The following ESR2 variants were observed in gnomAD, a reference collection of about 807,000 sequenced individuals.
ESR2 encodes estrogen receptor beta.
Under a neutral mutation model 49.6 loss-of-function variants are expected in ESR2, and 36 were observed. That is an observed-to-expected ratio of 0.73 (90% CI 0.56 to 0.96). The LOEUF is 0.96. Ranked by LOEUF, ESR2 falls within the 40% of genes least tolerant of loss-of-function variation. ESR2 has a pLI of 0.00. For missense variants in ESR2, 714 were observed against 693.0 expected (o/e 1.03, Z -0.34); for synonymous variants, 320 against 266.1 (o/e 1.20, Z -1.97).
In ESR2 at chr14:64,241,145, C is replaced by CAAAAAAAAAAAA. The variant is rs56347632; in HGVS notation, c.1226-6007_1226-5996dup. ...TGGGCCACAGAGCGAGACTCCGTCT[C>CAAAAAAAAAAAA]AAAAAAAAAAAAAAAAAAAAAAAAA... On this transcript the variant is annotated intron_variant, in intron 7 of 8. Coordinates refer to ENST00000341099, the MANE Select transcript of ESR2 (RefSeq NM_001437.3). Among the ~76,000 whole-genome samples, 216 of 95,370 alleles carry CAAAAAAAAAAAA rather than the reference C, an allele frequency of 2.3e-3. 11 individuals are homozygous for CAAAAAAAAAAAA. The East Asian group carries it at 0.028, about 12-fold the overall frequency. The allele number at this position is 95,370 out of a possible 152,430, so 62.6% of individuals were successfully genotyped here. A position where few individuals can be genotyped will look rare whatever the true frequency, so the allele number is the denominator to read the frequency against.
intron 7 of ESR2, among the ~76,000 whole-genome samples, chr14:64,239,953 C>T (rs1337676609): frequency 1.3e-5 from 2 of 152,212 alleles, no homozygotes; most frequent in Middle Eastern, 3.2e-3. Context: ...ATATCCCATT[C>T]TAGACCAAAA....
intron 1 of ESR2, among the ~76,000 whole-genome samples, chr14:64,318,434 G>A (rs1037183534): frequency 2.0e-4 from 30 of 147,358 alleles, no homozygotes; most frequent in African/African-American, 7.0e-4. Context: ...CTACTTGGGA[G>A]GCTTAGGCAG....
At chr14:64,323,387 T>C (rs1231890098) in intron 1 of ESR2, among the ~76,000 whole-genome samples, 2 of 152,028 alleles carry the variant, frequency 1.3e-5, no homozygotes, top group African/African-American at 2.4e-5. Context: ...TTTGTGTTTT[T>C]AGTAGAGACA....
At chr14:64,318,477 C>T (rs2077284133) in intron 1 of ESR2, among the ~76,000 whole-genome samples, 1 of 121,582 alleles carries the variant, frequency 8.2e-6, no homozygotes, top group African/African-American at 3.2e-5. Flanking sequence ...GCAAAAGTTG[C>T]AGTGAGCCAA....
At chr14:64,306,208 A>G (rs1379741342) in intron 1 of ESR2, among the ~76,000 whole-genome samples, 1 of 152,084 alleles carries the variant, frequency 6.6e-6, no homozygotes, top group Non-Finnish European at 1.5e-5. Flanking sequence ...ATCTCAAAAA[A>G]AAAGAAAAAA....
rs2077004385 is a variant in ESR2 at position 64,300,003 on chromosome 14, C to T, written c.-90-16928G>A. On this transcript the variant is annotated intron_variant, in intron 1 of 8. Coordinates refer to the ESR2 transcript ENST00000358599. Reference sequence around the variant, plus strand: ...GCTTCTTAATGGTTCTGCTCATAGTCAAGTCAAGTGCTTCCTCAGCCTGCT... The same window carrying T: ...GCTTCTTAATGGTTCTGCTCATAGTTAAGTCAAGTGCTTCCTCAGCCTGCT... Among the ~76,000 whole-genome samples, 3 of 152,150 alleles carry T rather than the reference C, an allele frequency of 2.0e-5. No individual in the cohort carries two copies. In the South Asian group the frequency reaches 6.2e-4, roughly 32 times the overall value.
At chr14:64,267,936 T>C (rs547806307) in intron 4 of ESR2, among the ~76,000 whole-genome samples, 1 of 152,078 alleles carries the variant, frequency 6.6e-6, no homozygotes, top group Non-Finnish European at 1.5e-5. Context: ...GATTTTTGTT[T>C]TAAATTTTCA....
At chr14:64,289,744 T>G (rs1231767762) in intron 1 of ESR2, among the ~76,000 whole-genome samples, 1 of 152,144 alleles carries the variant, frequency 6.6e-6, no homozygotes, top group Non-Finnish European at 1.5e-5. Context: ...CTAGTCCAGA[T>G]AGCTGGGCTG....
At chr14:64,320,678 A>G (rs2140894624) in intron 1 of ESR2, among the ~76,000 whole-genome samples, 1 of 152,292 alleles carries the variant, frequency 6.6e-6, no homozygotes. Flanking sequence ...GGATCACCTG[A>G]GGTCAGCAGT....
intron 6 of ESR2, among the ~76,000 whole-genome samples, chr14:64,250,699 T>C (rs1319095070): frequency 6.6e-6 from 1 of 152,348 alleles, no homozygotes; most frequent in East Asian, 1.9e-4. Context: ...TTCAAAGAGC[T>C]GGCTGCTCCC....
rs114379681 is a variant in ESR2 at position 64,271,973 on chromosome 14, A to T, written c.536-3062T>A. 6.3e-3 allele frequency among the ~76,000 whole-genome samples: 963 copies of T among 152,284 alleles called. 13 individuals carry two copies. The highest frequency in any genetic ancestry group is 0.022 in the African/African-American group (897 of 41,558). On this transcript the variant is annotated intron_variant, in intron 3 of 8. Coordinates refer to ENST00000341099, the MANE Select transcript of ESR2 (RefSeq NM_001437.3). Reference sequence around the variant, plus strand: ...GCTCTATTTGTAGTTTTTTGAGGAAACTTCAAACTGTTCTCCATAGTAGTT... The same window carrying T: ...GCTCTATTTGTAGTTTTTTGAGGAATCTTCAAACTGTTCTCCATAGTAGTT...
chr14:64,248,600 A>G (rs921901078), intron 7 of ESR2, among the ~76,000 whole-genome samples: 6 of 151,000 alleles, frequency 4.0e-5, no homozygotes, highest in African/African-American at 1.2e-4. Context: ...TGATGATTTT[A>G]TTTTCTTCCT....
At chr14:64,284,333 T>C (rs1222911992) in intron 1 of ESR2, among the ~76,000 whole-genome samples, 1 of 151,892 alleles carries the variant, frequency 6.6e-6, no homozygotes, top group African/African-American at 2.4e-5. Context: ...TACAGGCAAA[T>C]CTTTTTTTTT....
At chr14:64,253,491 T>TAAAG (rs1596393855) in intron 6 of ESR2, among the ~76,000 whole-genome samples, 1 of 151,902 alleles carries the variant, frequency 6.6e-6, no homozygotes, top group East Asian at 1.9e-4. Flanking sequence ...GTGCCTGGCC[T>TAAAG]AAAGAAGAAT....
intron 1 of ESR2, among the ~76,000 whole-genome samples, chr14:64,308,059 G>T (rs1247011491): frequency 3.3e-5 from 5 of 151,978 alleles, no homozygotes; most frequent in Admixed American, 6.6e-5. Flanking sequence ...TTGTCACACA[G>T]ACTGGAGTGC....
At chr14:64,306,926 T>A (rs1483664066) in intron 1 of ESR2, among the ~76,000 whole-genome samples, 1 of 152,198 alleles carries the variant, frequency 6.6e-6, no homozygotes, top group Non-Finnish European at 1.5e-5. Context: ...TGTAGGAAGG[T>A]TTTAAACTAC....
At chr14:64,249,744 G>C in intron 6 of ESR2, 65 bp from the exon 7 acceptor site, 2 of 1,493,628 alleles carry the variant, frequency 1.3e-6, no homozygotes, top group Non-Finnish European at 1.8e-6. Context: ...AAACAATAAG[G>C]AATGTTTTAT....
chr14:64,266,798 G>C (rs2076338117), intron 4 of ESR2, among the ~76,000 whole-genome samples: 1 of 152,100 alleles, frequency 6.6e-6, no homozygotes, highest in African/African-American at 2.4e-5. Flanking sequence ...CAAGGTTTAT[G>C]GGTTTTTTTC....
intron 1 of ESR2, among the ~76,000 whole-genome samples, chr14:64,303,965 A>G (rs2077059161): frequency 6.6e-6 from 1 of 152,266 alleles, no homozygotes; most frequent in Non-Finnish European, 1.5e-5. Flanking sequence ...GAAAGAATAC[A>G]TACATACATT....
Sources: allele counts gnomAD v4.1 joint callset (sites outside exome capture counted in the v4.1 genomes callset), GRCh38; gene constraint gnomAD v4.1.1; transcripts MANE v1.5; gene names NCBI Gene and HGNC (gene_info 2026-07-23, HGNC 2026-07-21).